DEPDC1B: variants seen among roughly 807,000 people sequenced by gnomAD.
DEPDC1B encodes DEP domain containing 1B.
DEPDC1B carries 51 observed loss-of-function variants against 66.5 expected under a neutral mutation model. The observed-to-expected ratio is 0.77, with a 90% CI of 0.61 to 0.97. The LOEUF (loss-of-function observed/expected upper bound fraction) is 0.97. Ranked by LOEUF, DEPDC1B falls within the 50% of genes least tolerant of loss-of-function variation. DEPDC1B has a pLI of 0.00. For synonymous variants in DEPDC1B, 226 were observed against 223.6 expected, an observed-to-expected ratio of 1.01 and a Z score of -0.10; for missense variants, 552 against 637.1, an observed-to-expected ratio of 0.87 and a Z score of 1.44.
chr5:60,651,388 C>G (rs1219184454), intron 2 of DEPDC1B, among the ~76,000 whole-genome samples: 1 of 151,970 alleles, frequency 6.6e-6, no homozygotes, highest in African/African-American at 2.4e-5. Context: ...ATTAGCCGTG[C>G]ATGGTGGCGT....
chr5:60,698,899 C>T (rs536103798), intron 1 of DEPDC1B, among the ~76,000 whole-genome samples: 15 of 152,130 alleles, frequency 9.9e-5, no homozygotes, highest in Non-Finnish European at 1.5e-4. Flanking sequence ...CTCCTGACCT[C>T]AAGCGATCCA....
chr5:60,620,088 T>C (rs1752666961), intron 7 of DEPDC1B, among the ~76,000 whole-genome samples: 1 of 152,344 alleles, frequency 6.6e-6, no homozygotes, highest in Non-Finnish European at 1.5e-5. Flanking sequence ...GCTAGCCATA[T>C]GTAGAAAGCT....
intron 7 of DEPDC1B, among the ~76,000 whole-genome samples, chr5:60,627,009 G>A (rs1752821479): frequency 1.3e-5 from 2 of 152,084 alleles, no homozygotes; most frequent in Admixed American, 6.5e-5. Flanking sequence ...TTTACATACA[G>A]TTCCAAGGAT....
chr5:60,625,384 T>C (rs1338391491), intron 7 of DEPDC1B, among the ~76,000 whole-genome samples: 4 of 152,220 alleles, frequency 2.6e-5, no homozygotes, highest in Non-Finnish European at 5.9e-5. Context: ...TTCCTATTTT[T>C]CCACATCCTC....
intron 1 of DEPDC1B, among the ~76,000 whole-genome samples, chr5:60,698,123 T>C (rs1054580025): frequency 6.6e-6 from 1 of 152,144 alleles, no homozygotes; most frequent in Non-Finnish European, 1.5e-5. Context: ...TGTAAATAAA[T>C]TGGTGAAGGG....
At position 60,663,989 on chromosome 5, in the gene DEPDC1B, G is replaced by A. The variant is rs539874836; in HGVS notation, c.315-16456C>T. On this transcript the variant is annotated intron_variant, in intron 2 of 10. Coordinates refer to ENST00000265036, the MANE Select transcript of DEPDC1B (RefSeq NM_018369.3). Reference sequence around the variant, plus strand: ...TTCCTTGGCATAACAGGCTTCTGCCGAATATGGATTCCCAGGTACGGTGAA... The same window carrying A: ...TTCCTTGGCATAACAGGCTTCTGCCAAATATGGATTCCCAGGTACGGTGAA... Among the ~76,000 whole-genome samples, 18 of 152,264 alleles carry A rather than the reference G, an allele frequency of 1.2e-4. No individual in the cohort carries two copies. The South Asian group carries it at 2.5e-3, about 21-fold the overall frequency.
intron 1 of DEPDC1B, among the ~76,000 whole-genome samples, chr5:60,690,915 A>C (rs1754529236): frequency 1.3e-5 from 2 of 152,132 alleles, no homozygotes. Flanking sequence ...CACATTCATA[A>C]TTCCTGAGCA....
chr5:60,674,137 T>A (rs929745140), intron 2 of DEPDC1B, among the ~76,000 whole-genome samples: 6 of 150,596 alleles, frequency 4.0e-5, no homozygotes, highest in South Asian at 2.1e-4. Flanking sequence ...AAAAAAAAAA[T>A]TTCAAGGCCA....
At position 60,626,194 on chromosome 5, in the gene DEPDC1B, G is replaced by C. The variant is rs911176925; in HGVS notation, c.898+12556C>G. Among the ~76,000 whole-genome samples, 3 of 152,122 alleles carry C rather than the reference G, an allele frequency of 2.0e-5. No individual in the cohort carries two copies. In the South Asian group the frequency reaches 6.2e-4, roughly 32 times the overall value. On this transcript the variant is annotated intron_variant, in intron 7 of 10. Transcript: ENST00000265036. ...CTATTCTGGACATTTCATAAAAATGGAATCTTTTACTTAGAATAATGTTTC... is the reference window on the plus strand; with the variant it reads ...CTATTCTGGACATTTCATAAAAATGCAATCTTTTACTTAGAATAATGTTTC...
chr5:60,623,951 G>A (rs777476778), intron 7 of DEPDC1B, among the ~76,000 whole-genome samples: 6 of 152,028 alleles, frequency 3.9e-5, no homozygotes, highest in East Asian at 3.8e-4. Flanking sequence ...ATCAGCAAAC[G>A]TAGTTTTAGT....
At chr5:60,621,867 G>T (rs1007640571) in intron 7 of DEPDC1B, among the ~76,000 whole-genome samples, 1 of 151,962 alleles carries the variant, frequency 6.6e-6, no homozygotes, top group African/African-American at 2.4e-5. Context: ...TTTTCTGAAC[G>T]TTTTTGGTGA....
At chr5:60,612,528 CAAAAAAAAA>C (rs35196065) in intron 7 of DEPDC1B, among the ~76,000 whole-genome samples, 2 of 90,224 alleles carry the variant, frequency 2.2e-5, no homozygotes, top group East Asian at 6.3e-4. Flanking sequence ...GAGATCTGCT[CAAAAAAAAA>C]AAAAAAAAAA....
Position 60,663,665 on chromosome 5 carries a change from C to T in DEPDC1B, c.315-16132G>A, listed in dbSNP as rs1217327866. Among the ~76,000 whole-genome samples the T allele has an allele frequency of 4.6e-5, 7 of 152,212 alleles. No homozygotes were observed. In the East Asian group the frequency reaches 1.3e-3, roughly 29 times the overall value. On this transcript the variant is annotated intron_variant, in intron 2 of 10. Transcript: ENST00000265036. ...CAGGGATAGCCCCCATCTATTTGGC[C>T]AGGCATTAGCCCAAGACTTGAGCCA... is the stretch of plus-strand genomic sequence containing the variant.
chr5:60,608,726 C>T (rs750354357), intron 7 of DEPDC1B, among the ~76,000 whole-genome samples: 2 of 151,818 alleles, frequency 1.3e-5, no homozygotes, highest in Non-Finnish European at 2.9e-5. Context: ...AAAATTATAT[C>T]CATTATATCT....
chr5:60,624,203 G>C (rs915479027), intron 7 of DEPDC1B, among the ~76,000 whole-genome samples: 1 of 152,092 alleles, frequency 6.6e-6, no homozygotes, highest in Non-Finnish European at 1.5e-5. Context: ...TATCATTAAT[G>C]GGTGTTGAAT....
chr5:60,603,290 A>G, intron 9 of DEPDC1B, 101 bp downstream of exon 9: 1 of 1,099,690 alleles, frequency 9.1e-7, no homozygotes, highest in South Asian at 2.4e-5. Context: ...TATAAACATT[A>G]ATTCACTTAA....
chr5:60,637,049 T>C (rs1324576105), intron 7 of DEPDC1B, among the ~76,000 whole-genome samples: 1 of 152,238 alleles, frequency 6.6e-6, no homozygotes, highest in Non-Finnish European at 1.5e-5. Flanking sequence ...ATACTTTTAC[T>C]ATAGAACATT....
At chr5:60,698,718 T>C (rs1334032970) in intron 1 of DEPDC1B, among the ~76,000 whole-genome samples, 1 of 150,160 alleles carries the variant, frequency 6.7e-6, no homozygotes, top group Non-Finnish European at 1.5e-5. Flanking sequence ...CAGGCTGGAG[T>C]GCAATGGCGC....
chr5:60,668,894 G>A (rs1753966887), intron 2 of DEPDC1B, among the ~76,000 whole-genome samples: 1 of 152,186 alleles, frequency 6.6e-6, no homozygotes, highest in Non-Finnish European at 1.5e-5. Flanking sequence ...GCTCCCTCTA[G>A]TGGGCTAAAT....
Sources: gnomAD v4.1 joint callset for allele counts (sites outside exome capture counted in the v4.1 genomes callset) on GRCh38, gnomAD v4.1.1 for gene constraint, MANE v1.5 for transcripts, NCBI Gene and HGNC (gene_info 2026-07-23, HGNC 2026-07-21) for gene names.